Variants in TNFRSF11A observed in about 807,000 individuals in gnomAD.
TNFRSF11A encodes the protein tumor necrosis factor receptor superfamily member 11A.
In TNFRSF11A, 32 loss-of-function variants were observed where a neutral mutation model predicts 55.7. The observed-to-expected ratio is 0.57, with a 90% CI of 0.43 to 0.77. The LOEUF is 0.77. TNFRSF11A is among the 30% of genes least tolerant of loss of function. The pLI is 0.00. For synonymous variants in TNFRSF11A, 311 were observed against 331.0 expected, an observed-to-expected ratio of 0.94 and a Z score of 0.65; for missense variants, 753 against 809.8, an observed-to-expected ratio of 0.93 and a Z score of 0.85.
rs971530611 is a variant in TNFRSF11A at position 62,349,757 on chromosome 18, T to C, written c.158-55T>C. 11 of 1,608,442 alleles carry C rather than the reference T, an allele frequency of 6.8e-6. No homozygotes were observed. The African/African-American group carries it at 1.5e-4, about 22-fold the overall frequency. On this transcript the variant is annotated intron_variant, in intron 2 of 9. Coordinates refer to ENST00000586569, the MANE Select transcript of TNFRSF11A (RefSeq NM_003839.4). Reference sequence around the variant, plus strand: ...TTTTTGTTGCTGTTTTGCTTTGTGTTGCTGTTTTTGTTTGGTTTTTTGATG... The same window carrying C: ...TTTTTGTTGCTGTTTTGCTTTGTGTCGCTGTTTTTGTTTGGTTTTTTGATG...
chr18:62,370,430 C>T (rs1261001218), intron 9 of TNFRSF11A, among the ~76,000 whole-genome samples: 1 of 152,210 alleles, frequency 6.6e-6, no homozygotes, highest in Non-Finnish European at 1.5e-5. Context: ...ATAGGCCGCC[C>T]CTCTCCAGAG....
intron 9 of TNFRSF11A, among the ~76,000 whole-genome samples, chr18:62,375,370 T>G (rs954628742): frequency 1.3e-5 from 2 of 152,186 alleles, no homozygotes; most frequent in Non-Finnish European, 2.9e-5. Flanking sequence ...TGTCTGGGAT[T>G]ACAGGTGTGA....
At chr18:62,381,599 A>T (rs575462474) in intron 9 of TNFRSF11A, among the ~76,000 whole-genome samples, 1 of 152,322 alleles carries the variant, frequency 6.6e-6, no homozygotes, top group South Asian at 2.1e-4. Context: ...TCGTAGTGAG[A>T]ACACCTCATG....
At chr18:62,343,606 C>T (rs528511376) in intron 1 of TNFRSF11A, among the ~76,000 whole-genome samples, 1 of 152,140 alleles carries the variant, frequency 6.6e-6, no homozygotes, top group African/African-American at 2.4e-5. Flanking sequence ...TTATTATCTC[C>T]CCCGCCCTCC....
At chr18:62,354,604 A>G in intron 4 of TNFRSF11A, 70 bp downstream of exon 4, 1 of 1,593,136 alleles carries the variant, frequency 6.3e-7, no homozygotes, top group Non-Finnish European at 8.5e-7. Flanking sequence ...GACAGTCTTG[A>G]TAATAGCAGC....
intron 9 of TNFRSF11A, among the ~76,000 whole-genome samples, chr18:62,384,046 AACAC>A (rs58712892): frequency 0.032 from 4,723 of 145,804 alleles, 124 homozygotes; most frequent in East Asian, 0.092. Context: ...TTCTGTGTTG[AACAC>A]ACACACACAC....
intron 9 of TNFRSF11A, among the ~76,000 whole-genome samples, chr18:62,381,946 T>A (rs1203413015): frequency 6.6e-6 from 1 of 152,148 alleles, no homozygotes; most frequent in Non-Finnish European, 1.5e-5. Flanking sequence ...GAAGCCTTTT[T>A]ATCAGCCCCT....
chr18:62,364,730 C>T (rs1019246838), intron 7 of TNFRSF11A, among the ~76,000 whole-genome samples: 10 of 152,100 alleles, frequency 6.6e-5, no homozygotes, highest in African/African-American at 2.2e-4. Flanking sequence ...ATAGCTGACA[C>T]ATATTAAATA....
intron 1 of TNFRSF11A, among the ~76,000 whole-genome samples, chr18:62,330,656 G>A (rs1448195908): frequency 6.6e-6 from 1 of 152,186 alleles, no homozygotes; most frequent in Non-Finnish European, 1.5e-5. Flanking sequence ...CTACTGCCTT[G>A]GTTTGGGAAA....
Position 62,369,241 on chromosome 18 carries a change from T to G in TNFRSF11A, c.1324T>G (p.Trp442Gly). 1 of 1,613,668 alleles carries G rather than the reference T, an allele frequency of 6.2e-7. No homozygotes were observed. The highest frequency in any genetic ancestry group is 2.2e-5 in the East Asian group (1 of 44,884). Residue 442 changes from tryptophan to glycine, a missense_variant, in exon 9 of 10, where the codon TGG becomes GGG. By Grantham distance (184) the Trp-to-Gly change is radical. Coordinates refer to ENST00000586569, the MANE Select transcript of TNFRSF11A (RefSeq NM_003839.4). ...CTGGGCAGCCAGCCCCAGCCCCAAC[T>G]GGGCAGATGTCTGCACAGGCTGCCG... is the stretch of plus-strand genomic sequence containing the variant. ...PHWAASPSPN[W>G]ADVCTGCRNP...
Position 62,325,521 on chromosome 18 carries a change from C to A in TNFRSF11A, c.75+94C>A. ...GGCCGGCGGCATCCTGGCTCCTCCG[C>A]CTTCCGAGAGGAGCCGGAGTTTTGG... is the stretch of plus-strand genomic sequence containing the variant. On this transcript the variant is annotated intron_variant, in intron 1 of 9. Coordinates refer to ENST00000586569, the MANE Select transcript of TNFRSF11A (RefSeq NM_003839.4). The surrounding 1 kb of genome is among the most constrained non-coding windows in gnomAD (Gnocchi z 4.7). 1 of 831,670 alleles carries A rather than the reference C, an allele frequency of 1.2e-6. No individual in the cohort carries two copies. Among genetic ancestry groups the A allele is most frequent in the Non-Finnish European group, 1.5e-6 (1 of 648,846 alleles). The allele number at this position is 831,670 out of a possible 1,614,324, so 51.5% of individuals were successfully genotyped here. A position where few individuals can be genotyped will look rare whatever the true frequency, so the allele number is the denominator to read the frequency against.
chr18:62,357,350 G>A (rs549677032), intron 4 of TNFRSF11A, among the ~76,000 whole-genome samples: 1 of 152,300 alleles, frequency 6.6e-6, no homozygotes, highest in Admixed American at 6.5e-5. Context: ...AGAGGGAATA[G>A]GCATAGGAAA....
chr18:62,369,257 C>T lies in TNFRSF11A; in HGVS notation c.1340C>T (p.Thr447Ile), dbSNP rs776173779. 1.5e-5 allele frequency: 25 copies of T among 1,613,554 alleles called. No homozygotes were observed. The Middle Eastern group carries it at 2.3e-3, about 149-fold the overall frequency. The change falls in exon 9 of 10, where the codon ACA (threonine) becomes ATA (isoleucine). Residue 447 changes from threonine to isoleucine, a missense_variant. Coordinates refer to ENST00000586569, the MANE Select transcript of TNFRSF11A (RefSeq NM_003839.4). Reference protein sequence around the residue: ...SPSPNWADVCTGCRNPPGEDC... With the variant: ...SPSPNWADVCIGCRNPPGEDC... ...AGCCCCAACTGGGCAGATGTCTGCA[C>T]AGGCTGCCGGAACCCTCCTGGGGAG... is the stretch of plus-strand genomic sequence containing the variant.
At chr18:62,382,733 GT>G (rs1015000205) in intron 9 of TNFRSF11A, among the ~76,000 whole-genome samples, 1 of 151,798 alleles carries the variant, frequency 6.6e-6, no homozygotes, top group Non-Finnish European at 1.5e-5. Flanking sequence ...TTTTTTCTTA[GT>G]TTCCTTGCCT....
intron 5 of TNFRSF11A, 97 bp downstream of exon 5, chr18:62,358,438 G>A (rs537133736): frequency 1.6e-6 from 2 of 1,217,568 alleles, no homozygotes; most frequent in Non-Finnish European, 2.4e-6. Flanking sequence ...ATTCTGTTGG[G>A]TTAGGCTTCC....
rs576910882 is a variant in TNFRSF11A at position 62,341,804 on chromosome 18, T to C, written c.76-6364T>C. ...AGGCACAGTTATTAATTAGCACTAT[T>C]GTACAGGTGAGGAGACTCAGGCTGA... is the stretch of plus-strand genomic sequence containing the variant. On this transcript the variant is annotated intron_variant, in intron 1 of 9. Transcript: ENST00000586569. Among the ~76,000 whole-genome samples the C allele has an allele frequency of 3.3e-5, 5 of 149,870 alleles. No homozygotes were observed. In the South Asian group the frequency reaches 1.1e-3, roughly 32 times the overall value.
rs758952741 is a variant in TNFRSF11A, at chr18:62,349,816, G to C, written c.162G>C (p.Lys54Asn). 6.2e-7 allele frequency: 1 copy of C among 1,613,950 alleles called. No homozygotes were observed. Among genetic ancestry groups the C allele is most frequent in the Admixed American group, 1.7e-5 (1 of 60,006 alleles). Residue 54 changes from lysine to asparagine, a missense_variant, in exon 3 of 10, where the codon AAG becomes AAC. This residue lies in a region of TNFRSF11A where 156 missense variants were observed against 155.1 expected (regional missense o/e 1.01). Transcript: ENST00000586569. ...TTTCTCCCTCATTTTTTTAAGGAAA[G>C]TACATGTCTTCTAAATGCACTACTA... ...GRCCNKCEPG[K>N]YMSSKCTTTS...
chr18:62,351,662 A>AAAAGAT (rs2046474599), intron 3 of TNFRSF11A, among the ~76,000 whole-genome samples: 1 of 152,278 alleles, frequency 6.6e-6, no homozygotes, highest in Non-Finnish European at 1.5e-5. Context: ...GTACATATAG[A>AAAAGAT]AAAGATAGAA....
In TNFRSF11A at chr18:62,384,797, G is replaced by A. The variant is rs1410150953; in HGVS notation, c.1614G>A (p.Gln538=). 4 of 1,612,924 alleles carry A rather than the reference G, an allele frequency of 2.5e-6. No individual in the cohort carries two copies. Among genetic ancestry groups the A allele is most frequent in the East Asian group, 2.2e-5 (1 of 44,832 alleles). The part of the protein sequence containing the change: ...NSNSTFISSG[Q]VMNFKGDIIV... The stretch of plus-strand genomic sequence containing the variant: ...ACTCCACGTTCATCTCCAGCGGGCA[G>A]GTGATGAACTTCAAGGGCGACATCA... The change falls in exon 10 of 10, where the codon CAG becomes CAA. Residue 538 remains glutamine, a synonymous_variant. Coordinates refer to ENST00000586569, the MANE Select transcript of TNFRSF11A (RefSeq NM_003839.4).
Sources: gnomAD v4.1 joint callset for allele counts (sites outside exome capture counted in the v4.1 genomes callset) on GRCh38, gnomAD v4.1.1 for gene constraint, gnomAD v4.1.1 regional missense constraint, Gnocchi (gnomAD v3.1) non-coding constraint, MANE v1.5 for transcripts, NCBI Gene and HGNC (gene_info 2026-07-23, HGNC 2026-07-21) for gene names.